GPT2: variants seen among roughly 807,000 people sequenced by gnomAD.
GPT2 encodes the protein glutamic--pyruvic transaminase 2.
Under a neutral mutation model 56.9 loss-of-function variants are expected in GPT2, and 30 were observed. That is an observed-to-expected ratio of 0.53 (90% CI 0.39 to 0.72). The LOEUF (loss-of-function observed/expected upper bound fraction) is 0.72, where lower values mean the gene tolerates loss of function less well. GPT2 is among the 30% of genes least tolerant of loss of function. The pLI is 0.00. For synonymous variants in GPT2, 271 were observed against 283.1 expected, an observed-to-expected ratio of 0.96 and a Z score of 0.43; for missense variants, 542 against 703.4, an observed-to-expected ratio of 0.77 and a Z score of 2.60.
At chr16:46,896,958 G>A (rs1302540899) in intron 2 of GPT2, among the ~76,000 whole-genome samples, 1 of 152,250 alleles carries the variant, frequency 6.6e-6, no homozygotes, top group Non-Finnish European at 1.5e-5. Context: ...AACACTTTGG[G>A]AGGCCAAGGC....
At chr16:46,924,955 T>C (rs1961374942) in intron 10 of GPT2, among the ~76,000 whole-genome samples, 1 of 151,196 alleles carries the variant, frequency 6.6e-6, no homozygotes. Flanking sequence ...GGAGAACGGG[T>C]CTCGCTAGAT....
rs759167958 is a variant in GPT2 at position 46,924,377 on chromosome 16, ATC to A, written c.1213-7_1213-6del. 6 of 1,613,838 alleles carry A rather than the reference ATC, an allele frequency of 3.7e-6. No homozygotes were observed. The highest frequency in any genetic ancestry group is 5.1e-6 in the Non-Finnish European group (6 of 1,179,658). ...AGATACTGACTGCTGTGCTGTTTCC[ATC>A]TCTCATCAGGAGAAGGAGTCGGTCC... On this transcript the variant is annotated splice_polypyrimidine_tract_variant and intron_variant, in intron 9 of 11. Transcript: ENST00000340124.
chr16:46,915,535 A>G (rs1178104392), intron 6 of GPT2: 2 of 142,460 alleles, frequency 1.4e-5, no homozygotes, highest in Non-Finnish European at 3.0e-5. Flanking sequence ...ACACAGACAC[A>G]AACACACTCT....
chr16:46,919,390 A>T (rs893218130), intron 8 of GPT2, among the ~76,000 whole-genome samples: 1 of 152,152 alleles, frequency 6.6e-6, no homozygotes, highest in Non-Finnish European at 1.5e-5. Flanking sequence ...TCGAAGGCTG[A>T]AGTGGTGCAG....
chr16:46,914,776 G>A (rs1961109513), intron 6 of GPT2, among the ~76,000 whole-genome samples: 1 of 152,176 alleles, frequency 6.6e-6, no homozygotes, highest in Non-Finnish European at 1.5e-5. Context: ...GAGCTCATGG[G>A]TGCCTCTCTG....
At chr16:46,903,347 C>T (rs1181784413) in intron 4 of GPT2, among the ~76,000 whole-genome samples, 2 of 151,692 alleles carry the variant, frequency 1.3e-5, no homozygotes, top group South Asian at 2.1e-4. Context: ...CTTTCCCCGT[C>T]ACCCAGGCTG....
chr16:46,909,548 G>A, intron 5 of GPT2, 136 bp from the exon 6 acceptor site: 6 of 958,032 alleles, frequency 6.3e-6, no homozygotes, highest in Non-Finnish European at 9.2e-6. Context: ...TTTTACAGAT[G>A]AGGAAACTGA....
chr16:46,888,636 C>T (rs1021402657), intron 2 of GPT2, among the ~76,000 whole-genome samples: 15 of 152,098 alleles, frequency 9.9e-5, no homozygotes, highest in Non-Finnish European at 1.6e-4. Context: ...CGTGAGCCAC[C>T]GCACCCGGCC....
intron 6 of GPT2, among the ~76,000 whole-genome samples, chr16:46,914,686 C>T (rs1236333091): frequency 3.3e-5 from 5 of 152,216 alleles, no homozygotes; most frequent in African/African-American, 9.6e-5. Context: ...ATTTATTCTG[C>T]AGTTATTTTT....
At chr16:46,906,612 ATGGATGTGTGGGTGGATGAGTAGATGGG>A (rs1354767244) in intron 4 of GPT2, among the ~76,000 whole-genome samples, 2 of 151,904 alleles carry the variant, frequency 1.3e-5, no homozygotes, top group African/African-American at 4.8e-5. Context: ...GGATGAGTGG[ATGGATGTGTGGGTGGATGAGTAGATGGG>A]TGGATGGATA....
intron 5 of GPT2, 94 bp downstream of exon 5, chr16:46,907,069 G>C (rs763828771): frequency 1.9e-5 from 30 of 1,563,642 alleles, no homozygotes; most frequent in Non-Finnish European, 2.6e-5. Context: ...GGCTAGCAGG[G>C]AGGGTGGCAG....
rs745492838 is a variant in GPT2 at position 46,916,722 on chromosome 16, A to G, written c.900+15A>G. ...TGGCTGATGAGGTAAGAATGTCCCC[A>G]CTCAGAGGGAGTGGGCACTAGCTTT... On this transcript the variant is annotated intron_variant, in intron 7 of 11. Coordinates refer to ENST00000340124, the MANE Select transcript of GPT2 (RefSeq NM_133443.4). 6.3e-7 allele frequency: 1 copy of G among 1,581,748 alleles called. No homozygotes were observed. Among genetic ancestry groups the G allele is most frequent in the South Asian group, 1.1e-5 (1 of 90,452 alleles).
chr16:46,906,946 C>T lies in GPT2; in HGVS notation c.547C>T (p.Leu183=). The T allele has an allele frequency of 6.2e-7, 1 of 1,614,244 alleles. No homozygotes were observed. Among genetic ancestry groups the T allele is most frequent in the Non-Finnish European group, 8.5e-7 (1 of 1,180,052 alleles). Residue 183 remains leucine, a synonymous_variant, in exon 5 of 12, where the codon CTG becomes TTG. Coordinates refer to ENST00000340124, the MANE Select transcript of GPT2 (RefSeq NM_133443.4). The stretch of plus-strand genomic sequence containing the variant: ...GCCTGCGGACCCCGACAACATCTAC[C>T]TGACCACGGGAGCTAGTGACGGCAT... ...GVPADPDNIY[L]TTGASDGIST...
At chr16:46,898,981 T>C (rs1412863754) in intron 3 of GPT2, among the ~76,000 whole-genome samples, 15 of 139,564 alleles carry the variant, frequency 1.1e-4, no homozygotes, top group East Asian at 4.0e-4. Flanking sequence ...CACACATATA[T>C]ATATATATAT....
At chr16:46,887,196 C>T (rs1027963535) in intron 2 of GPT2, among the ~76,000 whole-genome samples, 2 of 152,124 alleles carry the variant, frequency 1.3e-5, no homozygotes, top group Non-Finnish European at 2.9e-5. Context: ...AGGCCGGCCA[C>T]GGTGGCTCAC....
At position 46,929,087 on chromosome 16, in the gene GPT2, G is replaced by A. The variant is rs570025131; in HGVS notation, c.*90G>A. 1.2e-3 allele frequency: 1,174 copies of A among 992,144 alleles called. 2 individuals carry two copies. Among genetic ancestry groups the A allele is most frequent in the Non-Finnish European group, 1.7e-3 (1,072 of 625,116 alleles). The allele number at this position is 992,144 out of a possible 1,614,324, so 61.5% of individuals were successfully genotyped here. Reference sequence around the variant, plus strand: ...CTCGCCTCCCCCGTGACTCTGCCTCGGGCCTCGCAGAGGCCGCTGGTCACT... The same window carrying A: ...CTCGCCTCCCCCGTGACTCTGCCTCAGGCCTCGCAGAGGCCGCTGGTCACT... On this transcript the variant is annotated 3_prime_UTR_variant, in exon 12 of 12. Coordinates refer to ENST00000340124, the MANE Select transcript of GPT2 (RefSeq NM_133443.4).
At position 46,918,775 on chromosome 16, in the gene GPT2, C is replaced by T; in HGVS notation, c.1037+18C>T. On this transcript the variant is annotated intron_variant, in intron 8 of 11. Transcript: ENST00000340124. ...ATGGGCGAGTACGTGGGCCTCCCTT[C>T]CCTCTGCCACTGCTGGGCCTGCCAG... 1.2e-6 allele frequency: 2 copies of T among 1,612,772 alleles called. No individual in the cohort carries two copies. The highest frequency in any genetic ancestry group is 1.7e-6 in the Non-Finnish European group (2 of 1,179,722).
At chr16:46,895,046 C>A (rs943814011) in intron 2 of GPT2, among the ~76,000 whole-genome samples, 28 of 152,264 alleles carry the variant, frequency 1.8e-4, no homozygotes, top group African/African-American at 5.5e-4. Flanking sequence ...GGACCCCCTT[C>A]CCCGAGAAAC....
intron 6 of GPT2, chr16:46,915,150 GT>G (rs1436219107): frequency 1.3e-5 from 2 of 151,978 alleles, no homozygotes; most frequent in African/African-American, 4.8e-5. Context: ...GGCTCAAGCG[GT>G]CCTCCCACCC....
Sources: allele counts gnomAD v4.1 joint callset (sites outside exome capture counted in the v4.1 genomes callset), GRCh38; gene constraint gnomAD v4.1.1; transcripts MANE v1.5; gene names NCBI Gene and HGNC (gene_info 2026-07-23, HGNC 2026-07-21).